Variants in PLA2G2C observed in about 807,000 individuals in gnomAD.
PLA2G2C encodes phospholipase A2 group IIC, also known as putative inactive group IIC secretory phospholipase A2.
A neutral mutation model predicts 14.3 loss-of-function variants in PLA2G2C; 15 were observed. That is an observed-to-expected ratio of 1.05 (90% CI 0.70 to 1.62). PLA2G2C has a LOEUF of 1.62. Among genes scored for constraint, PLA2G2C ranks in the 40% most tolerant of loss-of-function variants. The pLI is 0.00. For synonymous variants in PLA2G2C, 79 were observed against 67.7 expected (o/e 1.17, Z -0.82); for missense variants, 162 against 173.2 (o/e 0.94, Z 0.36).
At chr1:20,182,804 T>C (rs1471467262) in intron 1 of PLA2G2C, among the ~76,000 whole-genome samples, 1 of 152,212 alleles carries the variant, frequency 6.6e-6, no homozygotes, top group Non-Finnish European at 1.5e-5. Flanking sequence ...CTCTGAAATC[T>C]AGAAATCACT....
intron 4 of PLA2G2C, 53 bp from the exon 5 acceptor site, chr1:20,164,210 G>T: frequency 6.4e-7 from 1 of 1,555,452 alleles, no homozygotes; most frequent in Non-Finnish European, 8.7e-7. Context: ...CCAGGGTTTG[G>T]TTCTAAGGCT....
chr1:20,165,753 T>C (rs542657518), intron 4 of PLA2G2C, among the ~76,000 whole-genome samples: 124 of 152,224 alleles, frequency 8.1e-4, no homozygotes, highest in Middle Eastern at 3.4e-3. Context: ...TATGTGTCCA[T>C]GTGTGCATGT....
At chr1:20,166,048 G>A (rs2100711388) in intron 4 of PLA2G2C, among the ~76,000 whole-genome samples, 1 of 152,312 alleles carries the variant, frequency 6.6e-6, no homozygotes, top group South Asian at 2.1e-4. Context: ...TGGTGGTGAG[G>A]GTCACTGGTG....
intron 4 of PLA2G2C, among the ~76,000 whole-genome samples, chr1:20,167,623 T>C (rs921601276): frequency 6.6e-6 from 1 of 152,194 alleles, no homozygotes; most frequent in Non-Finnish European, 1.5e-5. Context: ...TCCTTGACTC[T>C]CTTCTTTCTC....
At chr1:20,171,352 C>A (rs1324246693) in intron 4 of PLA2G2C, among the ~76,000 whole-genome samples, 1 of 152,238 alleles carries the variant, frequency 6.6e-6, no homozygotes, top group Non-Finnish European at 1.5e-5. Flanking sequence ...AAAGGGGGTT[C>A]TTTCCCTGTC....
At chr1:20,169,106 G>A (rs1278725646) in intron 4 of PLA2G2C, among the ~76,000 whole-genome samples, 1 of 152,212 alleles carries the variant, frequency 6.6e-6, no homozygotes, top group Non-Finnish European at 1.5e-5. Flanking sequence ...GGGAGGCTAG[G>A]GAGTTGGTTA....
chr1:20,183,402 G>C (rs1355614761), intron 1 of PLA2G2C, among the ~76,000 whole-genome samples: 1 of 152,220 alleles, frequency 6.6e-6, no homozygotes, highest in Non-Finnish European at 1.5e-5. Flanking sequence ...GAGGAGCTTG[G>C]GGGTGGGACT....
At chr1:20,172,284 ATCC>A (rs1377340430) in intron 4 of PLA2G2C, among the ~76,000 whole-genome samples, 4 of 151,982 alleles carry the variant, frequency 2.6e-5, no homozygotes, top group African/African-American at 9.7e-5. Context: ...AGGGCACTTG[ATCC>A]ACTTGCCCAC....
chr1:20,164,181 G>A (rs1367721147), intron 4 of PLA2G2C, 24 bp from the exon 5 acceptor site: 3 of 1,600,598 alleles, frequency 1.9e-6, no homozygotes, highest in Non-Finnish European at 2.6e-6. Context: ...GAGGGTCACT[G>A]GGGGCTCCCA....
At chr1:20,167,899 C>T (rs1282435068) in intron 4 of PLA2G2C, among the ~76,000 whole-genome samples, 1 of 152,210 alleles carries the variant, frequency 6.6e-6, no homozygotes, top group East Asian at 1.9e-4. Flanking sequence ...CATTTTGCAG[C>T]CTGTCGCTTT....
chr1:20,185,203 T>C (rs1228980208), intron 1 of PLA2G2C, among the ~76,000 whole-genome samples: 1 of 152,120 alleles, frequency 6.6e-6, no homozygotes, highest in Non-Finnish European at 1.5e-5. Context: ...GGGATGGAAG[T>C]GCAGGGCTGA....
intron 4 of PLA2G2C, among the ~76,000 whole-genome samples, chr1:20,168,151 G>A (rs2018007872): frequency 6.6e-6 from 1 of 152,178 alleles, no homozygotes; most frequent in African/African-American, 2.4e-5. Context: ...CAGGTTCTTG[G>A]GCCAAATATG....
chr1:20,164,662 G>C (rs2100709779), intron 4 of PLA2G2C, among the ~76,000 whole-genome samples: 1 of 152,310 alleles, frequency 6.6e-6, no homozygotes, highest in Admixed American at 6.5e-5. Context: ...CATCTCACTT[G>C]GATGTCTCAG....
At chr1:20,172,401 C>T (rs1306622358) in intron 4 of PLA2G2C, among the ~76,000 whole-genome samples, 1 of 152,116 alleles carries the variant, frequency 6.6e-6, no homozygotes, top group East Asian at 1.9e-4. Flanking sequence ...GGCATGCAGT[C>T]GCCCTTAATA....
Position 20,163,887 on chromosome 1 carries a change from T to C in PLA2G2C, c.*104A>G. ...CCTGCGGGAGACATTTTGTCCTCCC[T>C]CCCAGTGGAAGAACAGGGGCCTGTT... is the stretch of plus-strand genomic sequence containing the variant. On this transcript the variant is annotated 3_prime_UTR_variant, in exon 5 of 5. Coordinates refer to ENST00000679259, the MANE Select transcript of PLA2G2C (RefSeq NM_001367969.2). 1 of 1,300,680 alleles carries C rather than the reference T, an allele frequency of 7.7e-7. No homozygotes were observed. Among genetic ancestry groups the C allele is most frequent in the South Asian group, 1.5e-5 (1 of 64,626 alleles). 80.6% of individuals were successfully genotyped at this position (1,300,680 alleles called of 1,614,324 possible). A position where few individuals can be genotyped will look rare whatever the true frequency, so the allele number is the denominator to read the frequency against.
At chr1:20,168,892 G>A (rs536485500) in intron 4 of PLA2G2C, among the ~76,000 whole-genome samples, 7 of 152,236 alleles carry the variant, frequency 4.6e-5, no homozygotes, top group Non-Finnish European at 7.3e-5. Context: ...CCTGAGGGCA[G>A]CTGTCCCTAC....
intron 1 of PLA2G2C, among the ~76,000 whole-genome samples, chr1:20,185,221 A>C (rs779729992): frequency 6.6e-6 from 1 of 152,156 alleles, no homozygotes; most frequent in Non-Finnish European, 1.5e-5. Flanking sequence ...TGAGAGTCTA[A>C]CTGAGGTTAG....
intron 1 of PLA2G2C, among the ~76,000 whole-genome samples, chr1:20,179,506 CCTCT>C (rs959105369): frequency 4.9e-5 from 7 of 141,816 alleles, no homozygotes; most frequent in African/African-American, 1.9e-4. Flanking sequence ...TCAGCTTCTC[CCTCT>C]ATGTCAGTTT....
At chr1:20,176,617 C>T (rs185146298) in intron 2 of PLA2G2C, among the ~76,000 whole-genome samples, 4 of 152,332 alleles carry the variant, frequency 2.6e-5, no homozygotes, top group Admixed American at 1.3e-4. Context: ...GTCATCCCTG[C>T]GTACAGGTAT....
Sources: gnomAD v4.1 joint callset for allele counts (sites outside exome capture counted in the v4.1 genomes callset) on GRCh38, gnomAD v4.1.1 for gene constraint, MANE v1.5 for transcripts, NCBI Gene and HGNC (gene_info 2026-07-23, HGNC 2026-07-21) for gene names.